The following LSAMP variants were observed in gnomAD, a reference collection of about 807,000 sequenced individuals.
LSAMP encodes the protein limbic system-associated membrane protein.
Under a neutral mutation model 38.6 loss-of-function variants are expected in LSAMP, and 7 were observed. The ratio of observed to expected loss-of-function variants is 0.18; its 90% CI spans 0.10 to 0.34. LSAMP has a LOEUF of 0.34. Among genes scored for constraint, LSAMP ranks in the 10% least tolerant of loss-of-function variants. The pLI is 1.00. For synonymous variants in LSAMP, 154 were observed against 166.8 expected, an observed-to-expected ratio of 0.92 and a Z score of 0.59; for missense variants, 313 against 420.0, an observed-to-expected ratio of 0.75 and a Z score of 2.23.
intron 4 of LSAMP, among the ~76,000 whole-genome samples, chr3:115,843,252 C>G (rs1042781926): frequency 5.3e-5 from 8 of 152,228 alleles, no homozygotes; most frequent in African/African-American, 1.9e-4. Flanking sequence ...GCCTTCTATT[C>G]TCTCTGGCAG....
At chr3:116,032,541 C>T (rs1940949844) in intron 2 of LSAMP, among the ~76,000 whole-genome samples, 1 of 152,128 alleles carries the variant, frequency 6.6e-6, no homozygotes, top group South Asian at 2.1e-4. Context: ...GGCATGGTGG[C>T]TTATGTCTGT....
At chr3:116,043,761 C>G (rs1317753099) in intron 2 of LSAMP, among the ~76,000 whole-genome samples, 1 of 152,158 alleles carries the variant, frequency 6.6e-6, no homozygotes, top group Non-Finnish European at 1.5e-5. Context: ...CTGGCTAACA[C>G]GGTGAAACCC....
At chr3:115,983,245 G>T (rs1459963208) in intron 3 of LSAMP, among the ~76,000 whole-genome samples, 1 of 152,156 alleles carries the variant, frequency 6.6e-6, no homozygotes, top group Non-Finnish European at 1.5e-5. Context: ...GCCAGGCATG[G>T]TGGCTCATGC....
At chr3:116,275,310 C>T (rs894558773) in intron 1 of LSAMP, among the ~76,000 whole-genome samples, 2 of 152,092 alleles carry the variant, frequency 1.3e-5, no homozygotes, top group Non-Finnish European at 2.9e-5. Context: ...TCCTTGGCCT[C>T]CCAAAGTACT....
At chr3:116,422,997 G>A (rs762922543) in intron 1 of LSAMP, among the ~76,000 whole-genome samples, 7 of 152,054 alleles carry the variant, frequency 4.6e-5, no homozygotes, top group East Asian at 1.9e-4. Flanking sequence ...TGTAAGCCCC[G>A]TGAGAGTTGT....
intron 1 of LSAMP, among the ~76,000 whole-genome samples, chr3:116,315,017 C>T (rs1374898620): frequency 2.6e-5 from 4 of 152,102 alleles, no homozygotes; most frequent in Non-Finnish European, 4.4e-5. Flanking sequence ...TGGCAAATCA[C>T]CTCAATTTTC....
rs1170641773 is a variant in LSAMP, at chr3:115,808,083, C to CTCCTTCCTTCCTTCCTTCCTTCCT, written c.*2210_*2233dup. Reference sequence around the variant, plus strand: ...TCTCCCTCCTGCCTTCCTTTCCTTTCTCCTTCCTTCCTTCCTTCCTTCCTT... The same window carrying CTCCTTCCTTCCTTCCTTCCTTCCT: ...TCTCCCTCCTGCCTTCCTTTCCTTTCTCCTTCCTTCCTTCCTTCCTTCCTTCCTTCCTTCCTTCCTTCCTTCCTT... On this transcript the variant is annotated 3_prime_UTR_variant, in exon 7 of 7. Coordinates refer to ENST00000490035, the MANE Select transcript of LSAMP (RefSeq NM_002338.5). 73 of 112,434 alleles carry CTCCTTCCTTCCTTCCTTCCTTCCT rather than the reference C, an allele frequency of 6.5e-4. 8 individuals are homozygous for CTCCTTCCTTCCTTCCTTCCTTCCT. The highest frequency in any genetic ancestry group is 2.6e-3 in the African/African-American group (67 of 26,106). The allele number at this position is 112,434 out of a possible 1,614,324, so 7.0% of individuals were successfully genotyped here.
intron 1 of LSAMP, among the ~76,000 whole-genome samples, chr3:116,178,993 C>T (rs1710419936): frequency 6.6e-6 from 1 of 151,610 alleles, no homozygotes; most frequent in Admixed American, 6.6e-5. Flanking sequence ...TATCCCACTG[C>T]CTCTGCAATG....
chr3:115,935,907 A>G (rs1199255982), intron 3 of LSAMP, among the ~76,000 whole-genome samples: 1 of 152,146 alleles, frequency 6.6e-6, no homozygotes, highest in Admixed American at 6.5e-5. Flanking sequence ...TTCCCACCAC[A>G]CATGCTGTAA....
intron 1 of LSAMP, among the ~76,000 whole-genome samples, chr3:116,322,261 C>T (rs1303951500): frequency 6.6e-6 from 1 of 152,058 alleles, no homozygotes; most frequent in East Asian, 1.9e-4. Context: ...CTGTTGGACA[C>T]TTTTGGTATA....
At chr3:116,275,286 C>G (rs2047034317) in intron 1 of LSAMP, among the ~76,000 whole-genome samples, 1 of 152,094 alleles carries the variant, frequency 6.6e-6, no homozygotes, top group East Asian at 1.9e-4. Flanking sequence ...CTCCTAGGCT[C>G]AAGCAATCCT....
intron 3 of LSAMP, among the ~76,000 whole-genome samples, chr3:116,018,003 T>C (rs1189523448): frequency 3.3e-5 from 5 of 152,134 alleles, no homozygotes; most frequent in African/African-American, 9.7e-5. Flanking sequence ...GAAGGTTTAA[T>C]TCATTCCAAG....
At chr3:116,138,823 C>CCT (rs2107512334) in intron 1 of LSAMP, among the ~76,000 whole-genome samples, 1 of 146,800 alleles carries the variant, frequency 6.8e-6, no homozygotes, top group Non-Finnish European at 1.5e-5. Context: ...CGTAAATTGA[C>CCT]TTTTTTTTTT....
chr3:116,387,662 T>C (rs1346965047), intron 1 of LSAMP, among the ~76,000 whole-genome samples: 1 of 152,078 alleles, frequency 6.6e-6, no homozygotes, highest in Non-Finnish European at 1.5e-5. Context: ...TGTGAGTATC[T>C]AAATGAGAAG....
chr3:115,985,894 G>C (rs1939497250), intron 3 of LSAMP, among the ~76,000 whole-genome samples: 1 of 152,198 alleles, frequency 6.6e-6, no homozygotes, highest in Non-Finnish European at 1.5e-5. Flanking sequence ...CAGCTAAACT[G>C]CTCCTGGCTT....
At chr3:116,067,457 A>G (rs992324350) in intron 2 of LSAMP, among the ~76,000 whole-genome samples, 2 of 152,216 alleles carry the variant, frequency 1.3e-5, no homozygotes, top group Non-Finnish European at 2.9e-5. Context: ...TGGACCTCAT[A>G]CAGCAGCCGA....
At chr3:115,834,648 A>G in intron 6 of LSAMP, 1 of 939,590 alleles carries the variant, frequency 1.1e-6, no homozygotes, top group Non-Finnish European at 1.4e-6. Context: ...TATTATATAT[A>G]TGTATCTTTC....
At chr3:116,097,439 T>C (rs555818216) in intron 1 of LSAMP, among the ~76,000 whole-genome samples, 10 of 152,328 alleles carry the variant, frequency 6.6e-5, no homozygotes, top group African/African-American at 2.4e-4. Flanking sequence ...ATTATGTAAA[T>C]GTTATCATTG....
chr3:116,312,172 C>T (rs2047566334), intron 1 of LSAMP, among the ~76,000 whole-genome samples: 1 of 152,218 alleles, frequency 6.6e-6, no homozygotes, highest in Admixed American at 6.5e-5. Flanking sequence ...TGTACTCCCA[C>T]ATTTTCCTCT....
Sources: gnomAD v4.1 joint callset for allele counts (sites outside exome capture counted in the v4.1 genomes callset) on GRCh38, gnomAD v4.1.1 for gene constraint, MANE v1.5 for transcripts, NCBI Gene and HGNC (gene_info 2026-07-23, HGNC 2026-07-21) for gene names.